The following CCM2 variants were observed in gnomAD, a reference collection of about 807,000 sequenced individuals.
The protein encoded by CCM2 is CCM2 scaffold protein.
Under a neutral mutation model 44.9 loss-of-function variants are expected in CCM2, and 25 were observed. The observed-to-expected ratio is 0.56, with a 90% CI of 0.41 to 0.78. CCM2 has a LOEUF of 0.78. Ranked by LOEUF, CCM2 falls within the 30% of genes least tolerant of loss-of-function variation. The probability of loss-of-function intolerance (pLI) is 0.00; values close to 1 mark genes in which losing one functional copy is unlikely to be tolerated. For synonymous variants in CCM2, 219 were observed against 241.1 expected (o/e 0.91, Z 0.85); for missense variants, 481 against 580.6 (o/e 0.83, Z 1.76).
chr7:45,004,902 A>C (rs1795784540), intron 1 of CCM2, among the ~76,000 whole-genome samples: 1 of 151,766 alleles, frequency 6.6e-6, no homozygotes, highest in Non-Finnish European at 1.5e-5. Flanking sequence ...AGGCTGAGGC[A>C]GGAGAATTGC....
At chr7:44,999,782 A>C (rs1795505747), upstream of CCM2, 1 of 451,050 alleles carries the variant, frequency 2.2e-6, no homozygotes, top group Non-Finnish European at 4.4e-6. Context: ...ATGGCGGCAA[A>C]TTGAAAAAGT....
Position 45,068,269 on chromosome 7 carries a change from A to G in CCM2, c.473-174A>G, listed in dbSNP as rs7788412. 0.22 allele frequency: 167,751 copies of G among 770,962 alleles called. 18,928 individuals are homozygous for G. Among genetic ancestry groups the G allele is most frequent in the Admixed American group, 0.31 (15,010 of 48,542 alleles). 47.8% of individuals were successfully genotyped at this position (770,962 alleles called of 1,614,324 possible). A position where few individuals can be genotyped will look rare whatever the true frequency, so the allele number is the denominator to read the frequency against. On this transcript the variant is annotated intron_variant, in intron 4 of 9. Coordinates refer to ENST00000258781, the MANE Select transcript of CCM2 (RefSeq NM_031443.4). ...TCAGGGGTCGCGTGTTCCCACCCTT[A>G]TTTAGAGAAGCGAAGTGTGTCTGGT...
intron 2 of CCM2, among the ~76,000 whole-genome samples, chr7:45,060,302 T>A (rs1798461553): frequency 6.6e-6 from 1 of 152,238 alleles, no homozygotes; most frequent in South Asian, 2.1e-4. Flanking sequence ...TTCTTGCCAT[T>A]TTATAGGTAG....
intron 4 of CCM2, among the ~76,000 whole-genome samples, chr7:45,066,450 A>G (rs1426597983): frequency 6.6e-6 from 1 of 152,292 alleles, no homozygotes; most frequent in Admixed American, 6.5e-5. Context: ...CTGGGCCGCC[A>G]TGCTGTATTT....
In CCM2 at chr7:45,038,401, G is replaced by A. The variant is rs760398669; in HGVS notation, c.179G>A (p.Ser60Asn). ...CGCGTCGAGCCAGACAGACTGCTGAGCGACTATATTGAGAAGGAGGTAAAG... is the reference window on the plus strand; with the variant it reads ...CGCGTCGAGCCAGACAGACTGCTGAACGACTATATTGAGAAGGAGGTAAAG... The part of the protein sequence containing the change: ...PERVEPDRLL[S>N]DYIEKEVKYL... Residue 60 changes from serine (S) to asparagine (N), a missense_variant, in exon 2 of 10, where the codon AGC becomes AAC. Transcript: ENST00000258781. 1 of 1,614,136 alleles carries A rather than the reference G, an allele frequency of 6.2e-7. No homozygotes were observed.
chr7:45,027,689 C>T, intron 1 of CCM2: 1 of 1,613,976 alleles, frequency 6.2e-7, no homozygotes. Context: ...TCAACAAATT[C>T]AGAAGTGAGT....
chr7:45,014,823 T>C (rs993495689), intron 1 of CCM2, among the ~76,000 whole-genome samples: 7 of 151,852 alleles, frequency 4.6e-5, no homozygotes, highest in African/African-American at 7.3e-5. Flanking sequence ...GGTTTCGTCA[T>C]GTTGGCCAGG....
At chr7:45,022,865 C>G (rs1247296328) in intron 1 of CCM2, among the ~76,000 whole-genome samples, 1 of 151,868 alleles carries the variant, frequency 6.6e-6, no homozygotes, top group Non-Finnish European at 1.5e-5. Context: ...CTCAGCCTCT[C>G]GAGTAGCTGG....
intron 2 of CCM2, among the ~76,000 whole-genome samples, chr7:45,047,834 A>G (rs551389999): frequency 2.6e-5 from 4 of 152,152 alleles, no homozygotes; most frequent in Non-Finnish European, 5.9e-5. Flanking sequence ...GCTGGGGGCA[A>G]TAGGGTAAAG....
chr7:45,031,025 C>T (rs774122080), intron 1 of CCM2, among the ~76,000 whole-genome samples: 1 of 152,044 alleles, frequency 6.6e-6, no homozygotes, highest in Non-Finnish European at 1.5e-5. Flanking sequence ...CACCTGGCCT[C>T]GATTTATTTT....
chr7:45,040,757 G>T (rs1167921710), intron 2 of CCM2, among the ~76,000 whole-genome samples: 3 of 152,126 alleles, frequency 2.0e-5, no homozygotes, highest in African/African-American at 7.2e-5. Flanking sequence ...GAGGCCAAGG[G>T]GGGCAGATCA....
Position 45,037,825 on chromosome 7 carries a change from T to G in CCM2, c.31-428T>G, listed in dbSNP as rs143284009. Among the ~76,000 whole-genome samples, 1,016 of 152,328 alleles carry G rather than the reference T, an allele frequency of 6.7e-3. 15 individuals carry two copies. The highest frequency in any genetic ancestry group is 0.023 in the African/African-American group (966 of 41,564). On this transcript the variant is annotated intron_variant, in intron 1 of 9. Transcript: ENST00000258781. ...GCATAAAAAACATATGCTCCACTTG[T>G]TGATGCTAGCACTGGCCACACCTTC...
chr7:45,019,014 C>T (rs1176352355), intron 1 of CCM2, among the ~76,000 whole-genome samples: 1 of 150,628 alleles, frequency 6.6e-6, no homozygotes, highest in East Asian at 1.9e-4. Context: ...CCTGCCTCGG[C>T]CTCCCAAAGT....
chr7:45,010,701 G>A (rs2128713838), intron 1 of CCM2, among the ~76,000 whole-genome samples: 1 of 151,942 alleles, frequency 6.6e-6, no homozygotes, highest in East Asian at 1.9e-4. Context: ...GGGTTCAAGT[G>A]ATTCTCCTGC....
intron 1 of CCM2, among the ~76,000 whole-genome samples, chr7:45,016,578 C>T (rs11972537): frequency 2.4e-3 from 363 of 151,434 alleles, no homozygotes; most frequent in African/African-American, 8.5e-3. Context: ...GATCCACCCG[C>T]CTCAGCCTCC....
intron 1 of CCM2, among the ~76,000 whole-genome samples, chr7:45,025,436 C>G (rs1310307832): frequency 3.3e-5 from 5 of 152,086 alleles, no homozygotes; most frequent in African/African-American, 7.2e-5. Context: ...TCTTTGGGCT[C>G]TCCGCTATGT....
intron 1 of CCM2, among the ~76,000 whole-genome samples, chr7:45,020,216 T>C (rs868017426): frequency 6.6e-6 from 1 of 152,166 alleles, no homozygotes; most frequent in Non-Finnish European, 1.5e-5. Context: ...TCATATAAAT[T>C]CCAAGCTTCT....
chr7:45,005,057 C>T (rs140281884), intron 1 of CCM2, among the ~76,000 whole-genome samples: 1 of 151,374 alleles, frequency 6.6e-6, no homozygotes, highest in African/African-American at 2.4e-5. Flanking sequence ...CTGTCACAAG[C>T]CATACTTGGG....
chr7:45,028,525 C>T (rs1796797560), intron 1 of CCM2, among the ~76,000 whole-genome samples: 1 of 152,090 alleles, frequency 6.6e-6, no homozygotes. Context: ...GGTGTGGCGG[C>T]ACGCACCTGT....
Sources: gnomAD v4.1 joint callset for allele counts (sites outside exome capture counted in the v4.1 genomes callset) on GRCh38, gnomAD v4.1.1 for gene constraint, MANE v1.5 for transcripts, NCBI Gene and HGNC (gene_info 2026-07-23, HGNC 2026-07-21) for gene names.